Variants in SLC1A4 observed in about 807,000 individuals in gnomAD.
SLC1A4 encodes the protein neutral amino acid transporter A.
Under a neutral mutation model 37.7 loss-of-function variants are expected in SLC1A4, and 19 were observed. That is an observed-to-expected ratio of 0.50 (90% confidence interval 0.35 to 0.74). The LOEUF (loss-of-function observed/expected upper bound fraction) is 0.74, where lower values mean the gene tolerates loss of function less well. Among genes scored for constraint, SLC1A4 ranks in the 30% least tolerant of loss-of-function variants. SLC1A4 has a pLI of 0.01. For missense variants in SLC1A4, 570 were observed against 712.9 expected (o/e 0.80, Z 2.28); for synonymous variants, 299 against 309.8 (o/e 0.97, Z 0.37).
intron 1 of SLC1A4, among the ~76,000 whole-genome samples, chr2:64,991,841 G>T (rs12615879): frequency 0.15 from 22,601 of 151,924 alleles, 1,682 homozygotes; most frequent in East Asian, 0.22. Flanking sequence ...GACCTCGTGA[G>T]CCACCCGCCT....
At chr2:64,989,222 C>T (rs559602747), upstream of SLC1A4, among the ~76,000 whole-genome samples, 15 of 151,916 alleles carry the variant, frequency 9.9e-5, 1 homozygote, top group South Asian at 3.1e-3. Context: ...CTGCGGCACC[C>T]GCGACACGGG....
intron 1 of SLC1A4, among the ~76,000 whole-genome samples, chr2:64,996,669 C>A (rs918102298): frequency 1.3e-5 from 2 of 152,212 alleles, no homozygotes; most frequent in Non-Finnish European, 2.9e-5. Flanking sequence ...ATTTCAAGTG[C>A]TCTATAGTCC....
chr2:65,018,375 T>C lies in SLC1A4; in HGVS notation c.1229+110T>C, dbSNP rs921658812. The C allele has an allele frequency of 1.5e-6, 2 of 1,370,248 alleles. No homozygotes were observed. The highest frequency in any genetic ancestry group is 1.4e-5 in the African/African-American group (1 of 69,300). The allele number at this position is 1,370,248 out of a possible 1,614,324, so 84.9% of individuals were successfully genotyped here. ...TGTCTCGCTCATAAAATGAGGACAG[T>C]GGGGATTCATTACTTGAAGAGCGTG... On this transcript the variant is annotated intron_variant, in intron 6 of 7. Transcript: ENST00000234256. The surrounding 1 kb of genome is among the most constrained non-coding windows in gnomAD (Gnocchi z 4.3).
Position 64,989,524 on chromosome 2 carries a change from G to A in SLC1A4, c.-120G>A. The A allele has an allele frequency of 1.1e-6, 1 of 900,254 alleles. No homozygotes were observed. 55.8% of individuals were successfully genotyped at this position (900,254 alleles called of 1,614,324 possible). A position where few individuals can be genotyped will look rare whatever the true frequency, so the allele number is the denominator to read the frequency against. ...TCCTGCGCCAGGCCCGGAGACCCCC[G>A]GGGCGGCTTCCCAGAACCTGCGGAG... On this transcript the variant is annotated 5_prime_UTR_variant, in exon 1 of 8. Coordinates refer to ENST00000234256, the MANE Select transcript of SLC1A4 (RefSeq NM_003038.5).
At chr2:65,008,089 T>C (rs145802705) in intron 3 of SLC1A4, among the ~76,000 whole-genome samples, 188 of 152,332 alleles carry the variant, frequency 1.2e-3, no homozygotes, top group African/African-American at 4.2e-3. Context: ...AAACCAACTT[T>C]CAAATAGTAA....
chr2:65,006,808 C>T (rs144301242), intron 3 of SLC1A4, among the ~76,000 whole-genome samples: 2,662 of 152,026 alleles, frequency 0.018, 36 homozygotes, highest in Non-Finnish European at 0.028. Context: ...AGTATGGTGG[C>T]GTGTGCCTGT....
At chr2:64,991,620 G>A (rs1256965533) in intron 1 of SLC1A4, among the ~76,000 whole-genome samples, 5 of 109,994 alleles carry the variant, frequency 4.5e-5, no homozygotes, top group Non-Finnish European at 9.6e-5. Flanking sequence ...TTTGTTTTTT[G>A]AGACGGAGTC....
In SLC1A4 at chr2:65,016,509, G is replaced by A. The variant is rs377492073; in HGVS notation, c.870G>A (p.Leu290=). The A allele has an allele frequency of 5.3e-5, 85 of 1,614,108 alleles. 2 individuals carry two copies. The East Asian group carries it at 5.6e-4, about 11-fold the overall frequency. ...TGGAAATGAAAGACATCATCGTGCT[G>A]GTGACCAGCCTGGGGAAATACATCT... is the stretch of plus-strand genomic sequence containing the variant. ...KIVEMKDIIV[L]VTSLGKYIFA... is the part of the protein sequence containing the mutation. The change falls in exon 5 of 8, where the codon CTG becomes CTA. Residue 290 remains leucine (L), a synonymous_variant. Coordinates refer to ENST00000234256, the MANE Select transcript of SLC1A4 (RefSeq NM_003038.5).
At chr2:64,997,595 T>C (rs894952514) in intron 1 of SLC1A4, among the ~76,000 whole-genome samples, 20 of 152,238 alleles carry the variant, frequency 1.3e-4, no homozygotes, top group Non-Finnish European at 2.6e-4. Context: ...AGTCTTGTTT[T>C]GCTCAGCACA....
chr2:65,004,156 T>C (rs1259130215), intron 3 of SLC1A4, 141 bp downstream of exon 3: 1 of 667,044 alleles, frequency 1.5e-6, no homozygotes, highest in Non-Finnish European at 2.7e-6. Context: ...TTTGCTCCTT[T>C]GGTTATGGCC....
chr2:64,993,724 G>A (rs544466267), intron 1 of SLC1A4, among the ~76,000 whole-genome samples: 3 of 152,218 alleles, frequency 2.0e-5, no homozygotes, highest in Non-Finnish European at 4.4e-5. Context: ...AATGCTTACT[G>A]GTTGTGGGAC....
intron 7 of SLC1A4, 112 bp from the exon 8 acceptor site, chr2:65,020,800 G>A (rs1674387561): frequency 1.3e-6 from 1 of 793,446 alleles, no homozygotes; most frequent in East Asian, 2.4e-5. Context: ...TGCTCTCCAG[G>A]AAGCAACAGG....
At chr2:64,993,485 A>G (rs977153124) in intron 1 of SLC1A4, among the ~76,000 whole-genome samples, 6 of 152,214 alleles carry the variant, frequency 3.9e-5, no homozygotes, top group African/African-American at 1.4e-4. Flanking sequence ...GCTAGAAGCA[A>G]TGAGAAGGGA....
At chr2:65,003,881 G>A (rs1673572841) in intron 2 of SLC1A4, 72 bp from the exon 3 acceptor site, 1 of 1,116,328 alleles carries the variant, frequency 9.0e-7, no homozygotes, top group Non-Finnish European at 1.4e-6. Flanking sequence ...GAGTGCAGCA[G>A]TGCCCTTGGT....
At chr2:65,001,634 G>A in intron 2 of SLC1A4, 144 bp downstream of exon 2, 5 of 592,444 alleles carry the variant, frequency 8.4e-6, no homozygotes, top group South Asian at 2.3e-5. Context: ...TTTATCAATG[G>A]GTACCTAGAG....
chr2:65,013,260 T>C (rs1395199664), intron 4 of SLC1A4, among the ~76,000 whole-genome samples: 2 of 152,230 alleles, frequency 1.3e-5, no homozygotes, highest in Non-Finnish European at 2.9e-5. Flanking sequence ...TTCACTCTTG[T>C]TGCCCAGGCT....
chr2:65,021,338 C>T lies in SLC1A4; in HGVS notation c.*192C>T. The T allele has an allele frequency of 3.4e-6, 2 of 592,386 alleles. No homozygotes were observed. Among genetic ancestry groups the T allele is most frequent in the Non-Finnish European group, 6.0e-6 (2 of 332,682 alleles). The allele number at this position is 592,386 out of a possible 1,614,324, so 36.7% of individuals were successfully genotyped here. ...CCCAGCCGGAACTGGTTACCAAGGACAAGGACACTCTGACATTCGGCTTGA... is the reference window on the plus strand; with the variant it reads ...CCCAGCCGGAACTGGTTACCAAGGATAAGGACACTCTGACATTCGGCTTGA... On this transcript the variant is annotated 3_prime_UTR_variant, in exon 8 of 8. Transcript: ENST00000234256.
intron 1 of SLC1A4, chr2:64,999,819 G>A (rs1048010490): frequency 1.3e-5 from 2 of 151,856 alleles, no homozygotes; most frequent in African/African-American, 4.8e-5. Flanking sequence ...ACAATAAGAA[G>A]AGTCAGCTAG....
chr2:64,994,177 C>T (rs1275183446), intron 1 of SLC1A4, among the ~76,000 whole-genome samples: 1 of 152,218 alleles, frequency 6.6e-6, no homozygotes, highest in East Asian at 1.9e-4. Flanking sequence ...AAACTAAACA[C>T]AGAAGAGCCT....
Sources: gnomAD v4.1 joint callset for allele counts (sites outside exome capture counted in the v4.1 genomes callset) on GRCh38, gnomAD v4.1.1 for gene constraint, Gnocchi (gnomAD v3.1) non-coding constraint, MANE v1.5 for transcripts, NCBI Gene and HGNC (gene_info 2026-07-23, HGNC 2026-07-21) for gene names.